Variants in FRMD6 observed in about 807,000 individuals in gnomAD.
The protein encoded by FRMD6 is FERM domain-containing protein 6.
FRMD6 carries 37 observed loss-of-function variants against 73.2 expected under a neutral mutation model. That is an observed-to-expected ratio of 0.51 (90% CI 0.39 to 0.66). The LOEUF (loss-of-function observed/expected upper bound fraction) is 0.66. Ranked by LOEUF, FRMD6 falls within the 30% of genes least tolerant of loss-of-function variation. The probability of loss-of-function intolerance (pLI) is 0.00; values close to 1 mark genes in which losing one functional copy is unlikely to be tolerated. For missense variants in FRMD6, 714 were observed against 780.5 expected (o/e 0.91, Z 1.02); for synonymous variants, 273 against 282.2 (o/e 0.97, Z 0.33).
chr14:51,672,761 T>C (rs1894100513), intron 1 of FRMD6, among the ~76,000 whole-genome samples: 1 of 152,220 alleles, frequency 6.6e-6, no homozygotes, highest in Non-Finnish European at 1.5e-5. Flanking sequence ...AACAGATTTG[T>C]CCATCTTATC....
At chr14:51,570,901 ACAAC>A (rs1449463466) in intron 2 of FRMD6, among the ~76,000 whole-genome samples, 2 of 152,242 alleles carry the variant, frequency 1.3e-5, no homozygotes, top group African/African-American at 4.8e-5. Context: ...TATCTTTGTG[ACAAC>A]TTAAATTCTA....
intron 1 of FRMD6, among the ~76,000 whole-genome samples, chr14:51,558,797 C>T (rs1268435719): frequency 6.6e-6 from 1 of 151,980 alleles, no homozygotes; most frequent in African/African-American, 2.4e-5. Flanking sequence ...TTTTTGTCTG[C>T]TTTTCATATT....
chr14:51,721,692 CAGGAAGGAAGGA>C (rs112816584), intron 11 of FRMD6, among the ~76,000 whole-genome samples: 3 of 104,448 alleles, frequency 2.9e-5, no homozygotes, highest in Non-Finnish European at 5.6e-5. Flanking sequence ...AAAATGGTCC[CAGGAAGGAAGGA>C]AGGAAGGAAG....
At chr14:51,727,109 G>A (rs563288125) in intron 13 of FRMD6, among the ~76,000 whole-genome samples, 4 of 151,974 alleles carry the variant, frequency 2.6e-5, no homozygotes, top group Non-Finnish European at 5.9e-5. Flanking sequence ...CTTAGTCCTG[G>A]TGCCTGCCTC....
At chr14:51,562,650 C>T (rs1186467660) in intron 1 of FRMD6, among the ~76,000 whole-genome samples, 2 of 152,146 alleles carry the variant, frequency 1.3e-5, no homozygotes, top group East Asian at 3.9e-4. Context: ...AACAGGTTAT[C>T]ATAATGGGTT....
At chr14:51,427,213 G>A in the FRMD6 span, among the ~76,000 whole-genome samples, 1 of 152,186 alleles carries the variant, frequency 6.6e-6, no homozygotes, top group Non-Finnish European at 1.5e-5. Flanking sequence ...AAGTTCCCTA[G>A]AGCACATTTT....
the FRMD6 span, among the ~76,000 whole-genome samples, chr14:51,430,650 G>A: frequency 4.6e-5 from 7 of 151,254 alleles, no homozygotes; most frequent in East Asian, 3.9e-4. Flanking sequence ...TCTTCTCCCC[G>A]CTTAAATCAG....
chr14:51,532,043 T>C (rs1885612226), intron 1 of FRMD6, among the ~76,000 whole-genome samples: 1 of 152,194 alleles, frequency 6.6e-6, no homozygotes, highest in African/African-American at 2.4e-5. Flanking sequence ...CTGTCAAAAT[T>C]ATTCATCTTT....
chr14:51,654,305 T>TG (rs56170622), intron 1 of FRMD6, among the ~76,000 whole-genome samples: 45,263 of 121,302 alleles, frequency 0.37, 8,576 homozygotes, highest in Non-Finnish European at 0.46. Context: ...TTAGCTGAAT[T>TG]GGGGGGGGGG....
intron 10 of FRMD6, among the ~76,000 whole-genome samples, chr14:51,716,581 C>T (rs1380641136): frequency 6.6e-6 from 1 of 152,160 alleles, no homozygotes; most frequent in Non-Finnish European, 1.5e-5. Context: ...ATAGATTTCT[C>T]TCAAAAATTC....
At chr14:51,574,141 G>A (rs1395812342) in intron 2 of FRMD6, among the ~76,000 whole-genome samples, 5 of 152,054 alleles carry the variant, frequency 3.3e-5, no homozygotes, top group Admixed American at 3.3e-4. Flanking sequence ...TGCTTGCCCT[G>A]CCAGCCCTGC....
chr14:51,638,482 G>A (rs1374198524), intron 2 of FRMD6, among the ~76,000 whole-genome samples: 2 of 152,118 alleles, frequency 1.3e-5, no homozygotes, highest in Non-Finnish European at 2.9e-5. Flanking sequence ...TGCTCCGGGA[G>A]CCACAGCTGA....
intron 2 of FRMD6, among the ~76,000 whole-genome samples, chr14:51,601,388 A>G (rs1890030609): frequency 6.6e-6 from 1 of 152,196 alleles, no homozygotes; most frequent in Non-Finnish European, 1.5e-5. Context: ...TGGGTAACTT[A>G]TCTTTCTTTG....
At position 51,729,325 on chromosome 14, in the gene FRMD6, G is replaced by A. The variant is rs759837364; in HGVS notation, c.*1296G>A. ...CTGGGGGTGTCTTGTTAATTTTGAA[G>A]TAAAAGTGTACAGAAGACGTAGTGT... On this transcript the variant is annotated 3_prime_UTR_variant, in exon 14 of 14. Transcript: ENST00000344768. 1 of 152,536 alleles carries A rather than the reference G, an allele frequency of 6.6e-6. No homozygotes were observed. Among genetic ancestry groups the A allele is most frequent in the Non-Finnish European group, 1.5e-5 (1 of 68,024 alleles). 9.4% of individuals were successfully genotyped at this position (152,536 alleles called of 1,614,324 possible). A position where few individuals can be genotyped will look rare whatever the true frequency, so the allele number is the denominator to read the frequency against.
intron 1 of FRMD6, among the ~76,000 whole-genome samples, chr14:51,666,550 A>C (rs1242198229): frequency 6.6e-6 from 1 of 152,224 alleles, no homozygotes; most frequent in Non-Finnish European, 1.5e-5. Flanking sequence ...TGGGGACTGA[A>C]GTGGGAATTG....
At chr14:51,511,642 A>G (rs957663083) in intron 1 of FRMD6, among the ~76,000 whole-genome samples, 1 of 152,196 alleles carries the variant, frequency 6.6e-6, no homozygotes, top group Admixed American at 6.5e-5. Context: ...AAAACCAAAC[A>G]TCATATGTTC....
intron 1 of FRMD6, among the ~76,000 whole-genome samples, chr14:51,667,554 A>G (rs567031124): frequency 1.3e-5 from 2 of 152,296 alleles, no homozygotes; most frequent in Admixed American, 1.3e-4. Context: ...GGTAAAGTTA[A>G]TTTTTTGCAT....
intron 8 of FRMD6, among the ~76,000 whole-genome samples, chr14:51,712,026 C>G (rs1048682934): frequency 6.6e-6 from 1 of 152,134 alleles, no homozygotes; most frequent in East Asian, 1.9e-4. Flanking sequence ...ATGAAACTTA[C>G]CCCTTAAATA....
intron 1 of FRMD6, among the ~76,000 whole-genome samples, chr14:51,557,267 T>C (rs201449445): frequency 2.2e-3 from 296 of 132,162 alleles, no homozygotes; most frequent in South Asian, 9.3e-3. Context: ...TATATATATA[T>C]ACACACATAC....
Sources: gnomAD v4.1 joint callset for allele counts (sites outside exome capture counted in the v4.1 genomes callset) on GRCh38, gnomAD v4.1.1 for gene constraint, MANE v1.5 for transcripts, NCBI Gene and HGNC (gene_info 2026-07-23, HGNC 2026-07-21) for gene names.